The following ADGRV1 variants were observed in gnomAD, a reference collection of about 807,000 sequenced individuals.
The protein encoded by ADGRV1 is G-protein coupled receptor 98.
Under a neutral mutation model 596.2 loss-of-function variants are expected in ADGRV1, and 359 were observed. The ratio of observed to expected loss-of-function variants is 0.60; its 90% CI spans 0.55 to 0.66. The LOEUF (loss-of-function observed/expected upper bound fraction) is 0.66, where lower values mean the gene tolerates loss of function less well. ADGRV1 is among the 30% of genes least tolerant of loss of function. The pLI is 0.00. For missense variants in ADGRV1, 7,274 were observed against 7,575.6 expected (o/e 0.96, Z 1.48); for synonymous variants, 2,681 against 2,679.2 (o/e 1.00, Z -0.02).
intron 38 of ADGRV1, 48 bp downstream of exon 38, chr5:90,706,442 G>GT (rs755604187): frequency 5.8e-5 from 83 of 1,439,956 alleles, no homozygotes; most frequent in Non-Finnish European, 7.0e-5. Flanking sequence ...AGTTTAATAA[G>GT]TTTTTTTTAT....
rs1751570140 is a variant in ADGRV1 at position 90,724,967 on chromosome 5, A to T, written c.9884A>T (p.Gln3295Leu). 1 of 1,602,188 alleles carries T rather than the reference A, an allele frequency of 6.2e-7. No individual in the cohort carries two copies. Among genetic ancestry groups the T allele is most frequent in the Non-Finnish European group, 8.5e-7 (1 of 1,175,678 alleles). Residue 3295 changes from glutamine (Q) to leucine (L), a missense_variant, in exon 46 of 90, where the codon CAG becomes CTG. Transcript: ENST00000405460. ...RKSSVTVYRW[Q>L]GIFIPVEDLN... ...TCATCTGTTACTGTTTACCGATGGCAGGGGATTTTTATTCCAGTTGAGGTA... is the reference window on the plus strand; with the variant it reads ...TCATCTGTTACTGTTTACCGATGGCTGGGGATTTTTATTCCAGTTGAGGTA...
intron 52 of ADGRV1, among the ~76,000 whole-genome samples, chr5:90,750,249 T>C: frequency 6.6e-6 from 1 of 152,228 alleles, no homozygotes. Flanking sequence ...ACACGCTTTC[T>C]GAGTATGAAT....
chr5:90,678,895 A>G (rs190034009), intron 25 of ADGRV1, among the ~76,000 whole-genome samples: 4 of 152,240 alleles, frequency 2.6e-5, no homozygotes, highest in Non-Finnish European at 5.9e-5. Flanking sequence ...CAACATTTCT[A>G]TAATAAAAGA....
chr5:90,778,400 T>C lies in ADGRV1; in HGVS notation c.12667-27T>C. 5 of 1,599,704 alleles carry C rather than the reference T, an allele frequency of 3.1e-6. No individual in the cohort carries two copies. The South Asian group carries it at 4.5e-5, about 14-fold the overall frequency. ...TTTCTTGAAATTCCACAGATTCTAC[T>C]GTTGATGACTCTTTGTCTTTTTCTA... On this transcript the variant is annotated intron_variant, in intron 62 of 89. Transcript: ENST00000405460.
intron 6 of ADGRV1, chr5:90,626,612 GA>G: frequency 6.6e-6 from 1 of 151,908 alleles, no homozygotes; most frequent in Non-Finnish European, 1.5e-5. Context: ...AAAAAAGAAA[GA>G]AAAAAATGAA....
At chr5:91,084,880 C>A (rs1412957795) in intron 86 of ADGRV1, among the ~76,000 whole-genome samples, 1 of 152,152 alleles carries the variant, frequency 6.6e-6, no homozygotes, top group East Asian at 1.9e-4. Context: ...ACATATACAC[C>A]ATGGAATACT....
Position 91,003,172 on chromosome 5 carries a change from G to A in ADGRV1, c.18152+17650G>A, listed in dbSNP as rs148217023. On this transcript the variant is annotated intron_variant, in intron 85 of 89. Transcript: ENST00000405460. ...GACTGGTTGAAGGGATGGACTGCTAGCATAAGAAAAGGTGGTACTCAGTCC... is the reference window on the plus strand; with the variant it reads ...GACTGGTTGAAGGGATGGACTGCTAACATAAGAAAAGGTGGTACTCAGTCC... Among the ~76,000 whole-genome samples, 5 of 152,270 alleles carry A rather than the reference G, an allele frequency of 3.3e-5. No homozygotes were observed. The East Asian group carries it at 7.7e-4, about 24-fold the overall frequency.
intron 75 of ADGRV1, among the ~76,000 whole-genome samples, chr5:90,821,613 T>G (rs1763516186): frequency 6.6e-6 from 1 of 150,914 alleles, no homozygotes; most frequent in Admixed American, 6.6e-5. Flanking sequence ...GTCCTTTCTG[T>G]TTGTTAGTTT....
chr5:91,102,197 A>G lies in ADGRV1; in HGVS notation c.18311-22A>G, dbSNP rs3749605. 0.055 allele frequency: 88,294 copies of G among 1,590,948 alleles called. 3,519 individuals carry two copies. The highest frequency in any genetic ancestry group is 0.15 in the East Asian group (6,634 of 44,180). ...CTGTGCAGTATTCTGAAGCTCAAAA[A>G]TTCTTTTTTTTTTATTTCTAGAAAT... On this transcript the variant is annotated intron_variant, in intron 86 of 89. Coordinates refer to ENST00000405460, the MANE Select transcript of ADGRV1 (RefSeq NM_032119.4).
chr5:90,666,473 T>C (rs1013207016), intron 21 of ADGRV1, among the ~76,000 whole-genome samples: 13 of 151,838 alleles, frequency 8.6e-5, no homozygotes, highest in African/African-American at 2.9e-4. Flanking sequence ...CTTGGTAGAT[T>C]TTCCTCAATC....
intron 9 of ADGRV1, chr5:90,629,811 C>A: frequency 3.4e-6 from 1 of 294,898 alleles, no homozygotes; most frequent in Non-Finnish European, 6.4e-6. Flanking sequence ...GCAAGTCAGA[C>A]TGTCATGGAT....
At chr5:91,020,518 G>GGT (rs1303345448) in intron 85 of ADGRV1, among the ~76,000 whole-genome samples, 1 of 151,980 alleles carries the variant, frequency 6.6e-6, no homozygotes, top group Non-Finnish European at 1.5e-5. Context: ...ACTTGCACCA[G>GGT]GTTACATCAC....
At chr5:91,060,398 A>ATATATAT (rs796332430) in intron 85 of ADGRV1, among the ~76,000 whole-genome samples, 4 of 60,478 alleles carry the variant, frequency 6.6e-5, no homozygotes, top group African/African-American at 1.9e-4. Context: ...ATATATATAT[A>ATATATAT]TTTTTTTTTT....
At chr5:90,682,055 G>A (rs1745018165) in intron 27 of ADGRV1, among the ~76,000 whole-genome samples, 7 of 152,036 alleles carry the variant, frequency 4.6e-5, no homozygotes, top group Admixed American at 2.0e-4. Flanking sequence ...TAGTAGAGAC[G>A]GGGTTTCTCC....
At chr5:91,147,875 A>C (rs1795688599) in intron 87 of ADGRV1, among the ~76,000 whole-genome samples, 1 of 152,184 alleles carries the variant, frequency 6.6e-6, no homozygotes, top group Admixed American at 6.5e-5. Context: ...CTTCCTAGAG[A>C]TTTGTTGAAT....
intron 56 of ADGRV1, 120 bp downstream of exon 56, chr5:90,756,750 C>A: frequency 4.6e-6 from 4 of 878,782 alleles, no homozygotes; most frequent in Non-Finnish European, 6.8e-6. Flanking sequence ...CCAAATTTGT[C>A]TTATAAACTA....
intron 83 of ADGRV1, among the ~76,000 whole-genome samples, chr5:90,938,442 G>C (rs1010008685): frequency 2.6e-5 from 4 of 152,022 alleles, no homozygotes; most frequent in African/African-American, 9.7e-5. Flanking sequence ...TGGTTTTTTG[G>C]AGGGAAAAGA....
Position 90,665,911 on chromosome 5 carries a change from T to G in ADGRV1, c.4753-6635T>G, listed in dbSNP as rs1185260206. 4.7e-4 allele frequency among the ~76,000 whole-genome samples: 70 copies of G among 149,220 alleles called. 1 individual carries two copies. Among genetic ancestry groups the G allele is most frequent in the Non-Finnish European group, 9.0e-4 (60 of 66,926 alleles). On this transcript the variant is annotated intron_variant, in intron 21 of 89. Transcript: ENST00000405460. ...AGGAGCAGGTTGTTCAGTTTCCATG[T>G]AGTTGAGCGGTTTTGAGTGAGATTC... is the stretch of plus-strand genomic sequence containing the variant.
At chr5:90,563,857 T>C (rs1223147959) in intron 1 of ADGRV1, among the ~76,000 whole-genome samples, 1 of 152,236 alleles carries the variant, frequency 6.6e-6, no homozygotes, top group African/African-American at 2.4e-5. Flanking sequence ...AATTAGGTAG[T>C]ATTAATATAC....
Sources: allele counts gnomAD v4.1 joint callset (sites outside exome capture counted in the v4.1 genomes callset), GRCh38; gene constraint gnomAD v4.1.1; transcripts MANE v1.5; gene names NCBI Gene and HGNC (gene_info 2026-07-23, HGNC 2026-07-21).